IQSEC1: variants seen among roughly 807,000 people sequenced by gnomAD.
IQSEC1 encodes IQ motif and SEC7 domain-containing protein 1.
In IQSEC1, 31 loss-of-function variants were observed where a neutral mutation model predicts 91.0. The ratio of observed to expected loss-of-function variants is 0.34; its 90% confidence interval spans 0.26 to 0.46. The LOEUF (loss-of-function observed/expected upper bound fraction) is 0.46, where lower values mean the gene tolerates loss of function less well. Among genes scored for constraint, IQSEC1 ranks in the 20% least tolerant of loss-of-function variants. The pLI is 1.00. For missense variants in IQSEC1, 1,388 were observed against 1,575.6 expected, an observed-to-expected ratio of 0.88 and a Z score of 2.02; for synonymous variants, 699 against 662.6, an observed-to-expected ratio of 1.05 and a Z score of -0.84.
At chr3:13,237,153 A>T (rs1035189128) in intron 1 of IQSEC1, among the ~76,000 whole-genome samples, 2 of 152,222 alleles carry the variant, frequency 1.3e-5, no homozygotes, top group African/African-American at 4.8e-5. Context: ...GGTTTCTTTC[A>T]GAAATAGGAT....
intron 8 of IQSEC1, among the ~76,000 whole-genome samples, chr3:12,914,523 G>A (rs1207735764): frequency 1.3e-5 from 2 of 152,210 alleles, no homozygotes; most frequent in African/African-American, 4.8e-5. Flanking sequence ...AGGATGGGAG[G>A]GTTCGGGGAG....
intron 1 of IQSEC1, among the ~76,000 whole-genome samples, chr3:12,968,247 C>T (rs1371427118): frequency 1.3e-5 from 2 of 152,140 alleles, no homozygotes; most frequent in African/African-American, 4.8e-5. Context: ...GGCTCTGATG[C>T]GCCCCAGAGA....
At chr3:13,122,140 G>A (rs143426626) in intron 2 of IQSEC1, among the ~76,000 whole-genome samples, 7 of 152,292 alleles carry the variant, frequency 4.6e-5, no homozygotes, top group African/African-American at 7.2e-5. Context: ...GGCCGGGCCC[G>A]AGTGTAAACC....
chr3:12,969,403 A>G (rs1295298696), intron 1 of IQSEC1, among the ~76,000 whole-genome samples: 2 of 152,226 alleles, frequency 1.3e-5, no homozygotes, highest in African/African-American at 2.4e-5. Context: ...AAGGAAGGCC[A>G]TAATAAAAAA....
At chr3:12,927,106 C>G (rs1172444876) in intron 3 of IQSEC1, among the ~76,000 whole-genome samples, 1 of 152,220 alleles carries the variant, frequency 6.6e-6, no homozygotes. Flanking sequence ...CCATCCTGCT[C>G]CATGCCAGCA....
intron 1 of IQSEC1, among the ~76,000 whole-genome samples, chr3:12,981,176 G>T (rs1160624673): frequency 1.3e-5 from 2 of 152,192 alleles, no homozygotes; most frequent in Non-Finnish European, 2.9e-5. Flanking sequence ...AGCCAGACCT[G>T]GGTTTGAATC....
chr3:13,271,019 A>G (rs1695582045), intron 1 of IQSEC1, among the ~76,000 whole-genome samples: 1 of 152,228 alleles, frequency 6.6e-6, no homozygotes, highest in African/African-American at 2.4e-5. Flanking sequence ...ACTTTAAGAT[A>G]TACATTGTTA....
chr3:13,225,047 T>C (rs1694727808), intron 1 of IQSEC1, among the ~76,000 whole-genome samples: 1 of 152,224 alleles, frequency 6.6e-6, no homozygotes, highest in South Asian at 2.1e-4. Flanking sequence ...CATTCTGCCT[T>C]TACCTGGTTC....
intron 1 of IQSEC1, among the ~76,000 whole-genome samples, chr3:13,017,205 C>A (rs1420540966): frequency 6.8e-6 from 1 of 146,546 alleles, no homozygotes; most frequent in Non-Finnish European, 1.5e-5. Flanking sequence ...TGTCATCCCT[C>A]CCTGTTTTAT....
chr3:12,901,665 G>C, intron 13 of IQSEC1, 143 bp from the exon 14 acceptor site: 1 of 737,820 alleles, frequency 1.4e-6, no homozygotes, highest in Non-Finnish European at 2.2e-6. Flanking sequence ...GGGGCTCAGT[G>C]AGGCTGGACT....
chr3:13,116,748 A>G (rs148361835), intron 2 of IQSEC1, among the ~76,000 whole-genome samples: 3 of 152,222 alleles, frequency 2.0e-5, no homozygotes, highest in Non-Finnish European at 4.4e-5. Flanking sequence ...AAAATACAAA[A>G]ATTAGCCAGG....
chr3:13,216,492 C>T (rs1196258978), intron 1 of IQSEC1, among the ~76,000 whole-genome samples: 1 of 152,194 alleles, frequency 6.6e-6, no homozygotes, highest in Non-Finnish European at 1.5e-5. Context: ...GAGCGACGAG[C>T]TGTCCACTCC....
At chr3:12,955,032 C>A (rs989128234) in intron 1 of IQSEC1, among the ~76,000 whole-genome samples, 1 of 152,228 alleles carries the variant, frequency 6.6e-6, no homozygotes, top group Non-Finnish European at 1.5e-5. Context: ...GCTCAACAGT[C>A]ACATAGCTGA....
rs986687354 is a variant in IQSEC1, at chr3:13,073,184, G to C, written c.-170C>G. ...GGCTCCTCCAGGGAGGCTGGGGCGG[G>C]AGCGGGGGGCGGCGCCAGCAGCGGG... On this transcript the variant is annotated 5_prime_UTR_variant, in exon 1 of 14. Transcript: ENST00000613206. 11 of 663,304 alleles carry C rather than the reference G, an allele frequency of 1.7e-5. No homozygotes were observed. Among genetic ancestry groups the C allele is most frequent in the Non-Finnish European group, 2.8e-5 (11 of 387,980 alleles). 41.1% of individuals were successfully genotyped at this position (663,304 alleles called of 1,614,324 possible).
chr3:13,093,254 CAG>C (rs1705896946), intron 2 of IQSEC1, among the ~76,000 whole-genome samples: 2 of 152,168 alleles, frequency 1.3e-5, no homozygotes, highest in Non-Finnish European at 2.9e-5. Flanking sequence ...GCCAGAGCCT[CAG>C]CCCCATACCT....
intron 1 of IQSEC1, among the ~76,000 whole-genome samples, chr3:13,174,837 C>CG (rs60677515): frequency 0.28 from 41,786 of 148,638 alleles, 6,488 homozygotes; most frequent in African/African-American, 0.39. Flanking sequence ...TTCTGCTCCC[C>CG]CCCCCCACCT....
Position 12,924,568 on chromosome 3 carries a change from A to T in IQSEC1, c.1730+13T>A. The stretch of plus-strand genomic sequence containing the variant: ...TGGAATCAGGTCCCCCACCACCCCC[A>T]TGCAGAACTTACTCGAGCACGTCAC... On this transcript the variant is annotated intron_variant, in intron 4 of 13. Coordinates refer to ENST00000613206, the MANE Select transcript of IQSEC1 (RefSeq NM_001134382.3). This position sits in a 1 kb window ranked among gnomAD's most constrained non-coding sequence, Gnocchi z 6.3. 6.3e-7 allele frequency: 1 copy of T among 1,575,636 alleles called. No individual in the cohort carries two copies. The highest frequency in any genetic ancestry group is 1.2e-5 in the South Asian group (1 of 86,696).
intron 1 of IQSEC1, chr3:13,015,449 AAC>A (rs1703078925): frequency 2.0e-6 from 1 of 502,618 alleles, no homozygotes; most frequent in Non-Finnish European, 2.6e-6. Context: ...AGCTCTGAGA[AAC>A]AGTGAAAACT....
Position 12,900,525 on chromosome 3 carries a change from G to A in IQSEC1, c.*458C>T, listed in dbSNP as rs191157229. On this transcript the variant is annotated 3_prime_UTR_variant, in exon 14 of 14. Coordinates refer to ENST00000613206, the MANE Select transcript of IQSEC1 (RefSeq NM_001134382.3). ...TTACGTATTTTCATCAACCATATCA[G>A]GTCTACTTATTTTTTTGCCCATTGT... is the stretch of plus-strand genomic sequence containing the variant. 2 of 938,440 alleles carry A rather than the reference G, an allele frequency of 2.1e-6. No homozygotes were observed. The highest frequency in any genetic ancestry group is 1.8e-5 in the African/African-American group (1 of 56,054). 58.1% of individuals were successfully genotyped at this position (938,440 alleles called of 1,614,324 possible). A position where few individuals can be genotyped will look rare whatever the true frequency, so the allele number is the denominator to read the frequency against.
Sources: allele counts gnomAD v4.1 joint callset (sites outside exome capture counted in the v4.1 genomes callset), GRCh38; gene constraint gnomAD v4.1.1; non-coding constraint Gnocchi (gnomAD v3.1); transcripts MANE v1.5; gene names NCBI Gene and HGNC (gene_info 2026-07-23, HGNC 2026-07-21).